Variants in TMEM266 observed in about 807,000 individuals in gnomAD.
TMEM266 encodes Hv1 related protein 1.
A neutral mutation model predicts 50.5 loss-of-function variants in TMEM266; 33 were observed. That is an observed-to-expected ratio of 0.65 (90% CI 0.50 to 0.87). TMEM266 has a LOEUF of 0.87. Ranked by LOEUF, TMEM266 falls within the 40% of genes least tolerant of loss-of-function variation. The pLI is 0.00. For missense variants in TMEM266, 655 were observed against 695.1 expected, an observed-to-expected ratio of 0.94 and a Z score of 0.65; for synonymous variants, 310 against 292.3, an observed-to-expected ratio of 1.06 and a Z score of -0.62.
intron 8 of TMEM266, among the ~76,000 whole-genome samples, chr15:76,176,683 T>C (rs12591629): frequency 6.6e-6 from 1 of 152,096 alleles, no homozygotes; most frequent in African/African-American, 2.4e-5. Context: ...TTCCAGCCCA[T>C]GTCCTGCCAG....
intron 3 of TMEM266, among the ~76,000 whole-genome samples, chr15:76,147,015 A>C (rs1344814607): frequency 6.6e-6 from 1 of 152,230 alleles, no homozygotes; most frequent in African/African-American, 2.4e-5. Flanking sequence ...TGAATCAGTG[A>C]GTGAATGGGT....
chr15:76,175,012 T>C (rs2038251337), intron 7 of TMEM266: 1 of 153,108 alleles, frequency 6.5e-6, no homozygotes, highest in Non-Finnish European at 1.5e-5. Context: ...TAGACACATG[T>C]TTTCCTTCCC....
At chr15:76,145,111 C>T (rs557717049) in intron 3 of TMEM266, among the ~76,000 whole-genome samples, 2 of 152,180 alleles carry the variant, frequency 1.3e-5, no homozygotes, top group South Asian at 2.1e-4. Flanking sequence ...CAGAGACTCA[C>T]CAGTGCCAAC....
intron 7 of TMEM266, among the ~76,000 whole-genome samples, chr15:76,173,691 G>T (rs961320780): frequency 1.3e-5 from 2 of 152,170 alleles, no homozygotes; most frequent in Non-Finnish European, 2.9e-5. Context: ...CCAGCATTTT[G>T]GGAGGCTGAG....
chr15:76,101,242 G>A (rs547128553), intron 1 of TMEM266, among the ~76,000 whole-genome samples: 2 of 152,312 alleles, frequency 1.3e-5, no homozygotes, highest in East Asian at 3.9e-4. Flanking sequence ...AGTACCTGGT[G>A]CAAAAGAGCT....
chr15:76,111,051 C>T (rs539409038), intron 1 of TMEM266, among the ~76,000 whole-genome samples: 1 of 151,658 alleles, frequency 6.6e-6, no homozygotes, highest in East Asian at 1.9e-4. Context: ...CAAAATGGAA[C>T]AGCCACTTTG....
chr15:76,096,198 T>C (rs146450905), intron 1 of TMEM266, among the ~76,000 whole-genome samples: 1 of 152,174 alleles, frequency 6.6e-6, no homozygotes, highest in East Asian at 1.9e-4. Context: ...TTACTTTTGA[T>C]GTTAAGGTGT....
At chr15:76,199,219 C>T (rs1240150784) in intron 9 of TMEM266, among the ~76,000 whole-genome samples, 1 of 152,150 alleles carries the variant, frequency 6.6e-6, no homozygotes, top group Non-Finnish European at 1.5e-5. Context: ...ATGGAGAAAC[C>T]GAGTTCTATT....
At chr15:76,130,136 C>G (rs1488399040) in intron 1 of TMEM266, among the ~76,000 whole-genome samples, 1 of 139,374 alleles carries the variant, frequency 7.2e-6, no homozygotes, top group Non-Finnish European at 1.5e-5. Flanking sequence ...GGGGGGATCA[C>G]TTTTAGCCCA....
intron 1 of TMEM266, chr15:76,113,128 A>T (rs2037197834): frequency 6.6e-6 from 1 of 152,172 alleles, no homozygotes; most frequent in Non-Finnish European, 1.5e-5. Context: ...ATCCTAGCCA[A>T]CATGGTGACA....
At chr15:76,145,169 G>A (rs2037738760) in intron 3 of TMEM266, among the ~76,000 whole-genome samples, 1 of 152,144 alleles carries the variant, frequency 6.6e-6, no homozygotes, top group Admixed American at 6.5e-5. Flanking sequence ...CGCAGTGTCG[G>A]CTTCATCCTG....
chr15:76,088,154 G>A (rs1272250233), intron 1 of TMEM266, among the ~76,000 whole-genome samples: 4 of 152,190 alleles, frequency 2.6e-5, no homozygotes, highest in African/African-American at 9.7e-5. Flanking sequence ...CCACTGAAGT[G>A]TCTTCTAGTG....
In TMEM266 at chr15:76,102,602, G is replaced by A. The variant is rs900398771; in HGVS notation, c.-96-31566G>A. Among the ~76,000 whole-genome samples the A allele has an allele frequency of 2.0e-5, 3 of 152,238 alleles. 1 individual carries two copies. Among genetic ancestry groups the A allele is most frequent in the Admixed American group, 1.3e-4 (2 of 15,288 alleles). On this transcript the variant is annotated intron_variant, in intron 1 of 10. Coordinates refer to ENST00000388942, the MANE Select transcript of TMEM266 (RefSeq NM_152335.3). ...GCCTGTAATCCTAGCACTTTGGGAA[G>A]CCAAGGTGGGTGGATCACCTGAGGT...
At position 76,160,034 on chromosome 15, in the gene TMEM266, C is replaced by T; in HGVS notation, c.383-61C>T. ...GAGGTCTGGACGGATGCTGCGAAGCCCCCATAGCAACGCACCTAATTCCTC... is the reference window on the plus strand; with the variant it reads ...GAGGTCTGGACGGATGCTGCGAAGCTCCCATAGCAACGCACCTAATTCCTC... On this transcript the variant is annotated intron_variant, in intron 4 of 10. Transcript: ENST00000388942. This position sits in a 1 kb window ranked among gnomAD's most constrained non-coding sequence, Gnocchi z 5.7. The T allele has an allele frequency of 2.0e-6, 3 of 1,501,006 alleles. No individual in the cohort carries two copies. Among genetic ancestry groups the T allele is most frequent in the Non-Finnish European group, 1.9e-6 (2 of 1,078,376 alleles). 93.0% of individuals were successfully genotyped at this position (1,501,006 alleles called of 1,614,324 possible).
intron 1 of TMEM266, among the ~76,000 whole-genome samples, chr15:76,116,157 C>T (rs1182337784): frequency 3.3e-5 from 5 of 152,188 alleles, no homozygotes; most frequent in Non-Finnish European, 5.9e-5. Flanking sequence ...GCCCTGCCAT[C>T]GCCCACTGTG....
In TMEM266 at chr15:76,139,127, G is replaced by A. The variant is rs2037636655; in HGVS notation, c.227+1232G>A. Among the ~76,000 whole-genome samples the A allele has an allele frequency of 1.3e-5, 2 of 152,124 alleles. No individual in the cohort carries two copies. On this transcript the variant is annotated intron_variant, in intron 3 of 10. Transcript: ENST00000388942. The surrounding 1 kb of genome is among the most constrained non-coding windows in gnomAD (Gnocchi z 4.1). ...GCTTTGAATATAAAAATGAAGGGTT[G>A]TCAGGTATTTTAGAAGCAAACGAGA...
chr15:76,145,908 T>C (rs1233833229), intron 3 of TMEM266, among the ~76,000 whole-genome samples: 1 of 152,232 alleles, frequency 6.6e-6, no homozygotes, highest in Non-Finnish European at 1.5e-5. Context: ...TCTCATTCTG[T>C]GATGTTCTTA....
chr15:76,118,879 G>A (rs2037292768), intron 1 of TMEM266, among the ~76,000 whole-genome samples: 2 of 152,206 alleles, frequency 1.3e-5, no homozygotes, highest in Admixed American at 6.5e-5. Flanking sequence ...GAAGACATGG[G>A]TTCTTCAGAG....
Position 76,171,071 on chromosome 15 carries a change from T to G in TMEM266, c.592T>G (p.Trp198Gly). Residue 198 changes from tryptophan to glycine, a missense_variant, in exon 7 of 11, where the codon TGG (tryptophan) becomes GGG (glycine). Trp to Gly is a radical substitution (Grantham distance 184, BLOSUM62 -2). Coordinates refer to ENST00000388942, the MANE Select transcript of TMEM266 (RefSeq NM_152335.3). The stretch of plus-strand genomic sequence containing the variant: ...TGTGGCCAATGGACCCAGGAGCCCC[T>G]GGGACGCCATCAGCCTCATCATCAT... The G allele has an allele frequency of 6.2e-7, 1 of 1,613,392 alleles. No individual in the cohort carries two copies. Among genetic ancestry groups the G allele is most frequent in the Non-Finnish European group, 8.5e-7 (1 of 1,179,712 alleles).
Sources: allele counts gnomAD v4.1 joint callset (sites outside exome capture counted in the v4.1 genomes callset), GRCh38; gene constraint gnomAD v4.1.1; non-coding constraint Gnocchi (gnomAD v3.1); transcripts MANE v1.5; gene names NCBI Gene and HGNC (gene_info 2026-07-23, HGNC 2026-07-21).